The following EPHA6 variants were observed in gnomAD, a reference collection of about 807,000 sequenced individuals.
EPHA6 encodes EPH receptor A6.
Under a neutral mutation model 112.0 loss-of-function variants are expected in EPHA6, and 50 were observed. The observed-to-expected ratio is 0.45, with a 90% confidence interval of 0.36 to 0.56. The LOEUF (loss-of-function observed/expected upper bound fraction) is 0.56, where lower values mean the gene tolerates loss of function less well. Ranked by LOEUF, EPHA6 falls within the 20% of genes least tolerant of loss-of-function variation. The probability of loss-of-function intolerance (pLI) is 0.00; values close to 1 mark genes in which losing one functional copy is unlikely to be tolerated. For missense variants in EPHA6, 1,280 were observed against 1,417.4 expected (o/e 0.90, Z 1.56); for synonymous variants, 529 against 490.7 (o/e 1.08, Z -1.03).
chr3:97,375,201 C>A (rs2085284568), intron 5 of EPHA6, among the ~76,000 whole-genome samples: 1 of 152,070 alleles, frequency 6.6e-6, no homozygotes, highest in Non-Finnish European at 1.5e-5. Context: ...TTACAAAGGG[C>A]TTTCTTTCTC....
At chr3:97,306,313 T>A (rs1468082344) in intron 5 of EPHA6, among the ~76,000 whole-genome samples, 4 of 143,698 alleles carry the variant, frequency 2.8e-5, no homozygotes, top group African/African-American at 8.2e-5. Context: ...TTTTTTTTTT[T>A]AAAGTGTTCC....
At chr3:97,650,856 C>CA (rs11377339) in intron 14 of EPHA6, among the ~76,000 whole-genome samples, 63,205 of 95,784 alleles carry the variant, frequency 0.66, 19,121 homozygotes, top group East Asian at 0.71. Context: ...GACTCCATCT[C>CA]AAAAAAAAAA....
chr3:97,310,945 A>G (rs1157088458), intron 5 of EPHA6, among the ~76,000 whole-genome samples: 2 of 151,746 alleles, frequency 1.3e-5, no homozygotes, highest in East Asian at 3.9e-4. Context: ...TAAAGTATCC[A>G]CTTCCTAACA....
intron 2 of EPHA6, among the ~76,000 whole-genome samples, chr3:96,889,592 A>T (rs1396366376): frequency 6.6e-6 from 1 of 152,172 alleles, no homozygotes; most frequent in African/African-American, 2.4e-5. Flanking sequence ...TGATTCAATT[A>T]TCTCCCACCA....
chr3:97,612,798 C>A (rs1390440339), intron 13 of EPHA6, among the ~76,000 whole-genome samples: 1 of 151,966 alleles, frequency 6.6e-6, no homozygotes, highest in Non-Finnish European at 1.5e-5. Context: ...CTATAAAATT[C>A]TCTGTACCTC....
At chr3:97,648,386 C>CG (rs3214668) in intron 14 of EPHA6, 5 of 1,565,370 alleles carry the variant, frequency 3.2e-6, no homozygotes, top group Non-Finnish European at 4.3e-6. Flanking sequence ...CTACACCCAA[C>CG]TGGAGATAAT....
At chr3:97,377,157 C>T (rs887354261) in intron 5 of EPHA6, among the ~76,000 whole-genome samples, 1 of 152,124 alleles carries the variant, frequency 6.6e-6, no homozygotes, top group African/African-American at 2.4e-5. Context: ...TTGAATTGTC[C>T]TCCCACAATT....
chr3:97,041,613 C>A (rs553474033), intron 3 of EPHA6, among the ~76,000 whole-genome samples: 1 of 152,170 alleles, frequency 6.6e-6, no homozygotes, highest in East Asian at 1.9e-4. Flanking sequence ...GTAGTCTATT[C>A]TCACATCGCT....
At chr3:97,334,377 C>T (rs2082950946) in intron 5 of EPHA6, among the ~76,000 whole-genome samples, 1 of 151,706 alleles carries the variant, frequency 6.6e-6, no homozygotes, top group African/African-American at 2.4e-5. Flanking sequence ...TTGTTCTTAC[C>T]TAGTTGTTAA....
At chr3:97,536,381 C>T (rs2092764261) in intron 11 of EPHA6, among the ~76,000 whole-genome samples, 1 of 152,162 alleles carries the variant, frequency 6.6e-6, no homozygotes, top group Admixed American at 6.6e-5. Context: ...GCCTACCTCC[C>T]AGCTTAGACA....
intron 12 of EPHA6, among the ~76,000 whole-genome samples, chr3:97,610,394 G>A (rs2093709823): frequency 6.6e-6 from 1 of 151,594 alleles, no homozygotes; most frequent in South Asian, 2.1e-4. Flanking sequence ...CAAAATTGCT[G>A]CACTGCCTTA....
chr3:96,974,231 AATT>A (rs1481952465), intron 2 of EPHA6, among the ~76,000 whole-genome samples: 5 of 147,552 alleles, frequency 3.4e-5, no homozygotes, highest in Non-Finnish European at 6.0e-5. Context: ...TATATTATTA[AATT>A]ATTATTATAA....
chr3:97,624,527 G>T (rs967800871), intron 13 of EPHA6, among the ~76,000 whole-genome samples: 28 of 151,436 alleles, frequency 1.8e-4, no homozygotes, highest in Non-Finnish European at 4.0e-4. Flanking sequence ...TTTTTGTAGT[G>T]TCTTTGTCTG....
At chr3:97,017,681 G>A (rs776064402) in intron 3 of EPHA6, among the ~76,000 whole-genome samples, 26 of 152,092 alleles carry the variant, frequency 1.7e-4, no homozygotes, top group South Asian at 4.1e-4. Flanking sequence ...TCCATTGTAC[G>A]TTATTTGTTT....
At chr3:97,189,042 C>T (rs567656888) in intron 3 of EPHA6, among the ~76,000 whole-genome samples, 1 of 151,928 alleles carries the variant, frequency 6.6e-6, no homozygotes, top group Admixed American at 6.6e-5. Flanking sequence ...TCATTGAAAG[C>T]TCAGCAATGG....
chr3:97,537,668 T>A (rs2107663071), intron 11 of EPHA6, among the ~76,000 whole-genome samples: 1 of 152,302 alleles, frequency 6.6e-6, no homozygotes, highest in Admixed American at 6.5e-5. Context: ...AACCTCCACC[T>A]CCCAGGTTCA....
At position 96,814,798 on chromosome 3, in the gene EPHA6, G is replaced by A. The variant is rs966115881; in HGVS notation, c.175G>A (p.Glu59Lys). 1.9e-6 allele frequency: 3 copies of A among 1,602,230 alleles called. No individual in the cohort carries two copies. The highest frequency in any genetic ancestry group is 1.3e-5 in the African/African-American group (1 of 74,658). ...PPAGRVEEEEEEEEEDVDKDP... is the reference protein window; with the variant it reads ...PPAGRVEEEEKEEEEDVDKDP... ...TGCGGGCCGGGTGGAGGAGGAAGAG[G>A]AGGAGGAGGAAGAAGACGTGGACAA... Residue 59 changes from glutamate (E) to lysine (K), a missense_variant, in exon 1 of 18, where the codon GAG (glutamate) becomes AAG (lysine). Around this residue, in one of 4 missense-constraint regions of EPHA6, gnomAD observed 220 missense variants for 171.5 expected, o/e 1.28. Coordinates refer to ENST00000389672, the MANE Select transcript of EPHA6 (RefSeq NM_001080448.3).
intron 5 of EPHA6, among the ~76,000 whole-genome samples, chr3:97,373,992 C>G (rs181226364): frequency 9.2e-5 from 14 of 152,140 alleles, no homozygotes; most frequent in Admixed American, 9.2e-4. Context: ...TCACTAGAAG[C>G]AAAACTTTTC....
chr3:96,871,528 A>C (rs2036622186), intron 2 of EPHA6, among the ~76,000 whole-genome samples: 1 of 152,030 alleles, frequency 6.6e-6, no homozygotes. Context: ...TCTGAACCAC[A>C]ATTATATTTT....
Sources: allele counts gnomAD v4.1 joint callset (sites outside exome capture counted in the v4.1 genomes callset), GRCh38; gene constraint gnomAD v4.1.1; regional missense constraint gnomAD v4.1.1; transcripts MANE v1.5; gene names NCBI Gene and HGNC (gene_info 2026-07-23, HGNC 2026-07-21).